TDRP: variants seen among roughly 807,000 people sequenced by gnomAD.
TDRP encodes testis development related protein.
Under a neutral mutation model 10.5 loss-of-function variants are expected in TDRP, and 12 were observed. The observed-to-expected ratio is 1.15, with a 90% CI of 0.73 to 1.86. TDRP has a LOEUF of 1.86. Ranked by LOEUF, TDRP falls within the 40% of genes most tolerant of loss-of-function variation. TDRP has a pLI of 0.00. For synonymous variants in TDRP, 139 were observed against 95.4 expected (o/e 1.46, Z -2.67); for missense variants, 353 against 229.2 (o/e 1.54, Z -3.49).
intron 1 of TDRP, among the ~76,000 whole-genome samples, chr8:519,731 G>T (rs1230535566): frequency 3.3e-5 from 5 of 152,186 alleles, no homozygotes; most frequent in African/African-American, 1.2e-4. Flanking sequence ...TCTTCAATTT[G>T]TGGAGGGAAC....
chr8:512,775 G>A (rs115247379), intron 1 of TDRP, among the ~76,000 whole-genome samples: 1 of 152,046 alleles, frequency 6.6e-6, no homozygotes, highest in Admixed American at 6.5e-5. Flanking sequence ...ATGAATTTGA[G>A]AACAGCCTGG....
intron 1 of TDRP, among the ~76,000 whole-genome samples, chr8:496,783 G>T (rs1354062710): frequency 6.6e-6 from 1 of 152,194 alleles, no homozygotes; most frequent in Admixed American, 6.5e-5. Context: ...GGAGGGACCT[G>T]GTGGGAGATG....
chr8:514,631 C>G (rs1335086812), intron 1 of TDRP, among the ~76,000 whole-genome samples: 2 of 152,204 alleles, frequency 1.3e-5, no homozygotes, highest in Non-Finnish European at 2.9e-5. Context: ...CACCCTGTGA[C>G]TGCCGGATCC....
chr8:502,042 A>T (rs539009654), intron 1 of TDRP, among the ~76,000 whole-genome samples: 2 of 152,342 alleles, frequency 1.3e-5, no homozygotes, highest in African/African-American at 4.8e-5. Context: ...CACAGGCCCC[A>T]GGCCTCTTCT....
intron 1 of TDRP, among the ~76,000 whole-genome samples, chr8:534,925 T>A (rs948573298): frequency 6.6e-6 from 1 of 152,138 alleles, no homozygotes; most frequent in South Asian, 2.1e-4. Flanking sequence ...TTATCCAGGA[T>A]TCTATCCTCC....
chr8:493,437 C>T (rs557326401), intron 2 of TDRP, among the ~76,000 whole-genome samples: 1 of 152,358 alleles, frequency 6.6e-6, no homozygotes, highest in East Asian at 1.9e-4. Flanking sequence ...GTCACAGCTC[C>T]GCCAGAGCAC....
chr8:529,211 T>C (rs1802117785), intron 1 of TDRP, among the ~76,000 whole-genome samples: 1 of 152,180 alleles, frequency 6.6e-6, no homozygotes, highest in African/African-American at 2.4e-5. Flanking sequence ...ATCAATACTT[T>C]GCATCCTTCA....
intron 1 of TDRP, among the ~76,000 whole-genome samples, chr8:511,674 G>C (rs1377219845): frequency 6.6e-6 from 1 of 152,158 alleles, no homozygotes; most frequent in East Asian, 1.9e-4. Flanking sequence ...TCAGTCTTCA[G>C]GACAGATCAT....
intron 1 of TDRP, among the ~76,000 whole-genome samples, chr8:506,020 G>A: frequency 6.6e-6 from 1 of 152,140 alleles, no homozygotes; most frequent in South Asian, 2.1e-4. Context: ...CTAATGGCTG[G>A]GGGTCTGGGT....
chr8:524,466 G>A (rs1801985631), intron 1 of TDRP, among the ~76,000 whole-genome samples: 1 of 151,980 alleles, frequency 6.6e-6, no homozygotes, highest in Non-Finnish European at 1.5e-5. Flanking sequence ...CTCAGAAACA[G>A]AGATATGTGA....
chr8:511,140 C>A (rs1165050492), intron 1 of TDRP, among the ~76,000 whole-genome samples: 3 of 152,066 alleles, frequency 2.0e-5, no homozygotes, highest in African/African-American at 7.2e-5. Context: ...CCTACTAATT[C>A]AATATTAAAT....
intron 1 of TDRP, among the ~76,000 whole-genome samples, chr8:498,084 A>C (rs1205469931): frequency 6.6e-6 from 1 of 152,190 alleles, no homozygotes; most frequent in African/African-American, 2.4e-5. Flanking sequence ...GGCAGCATGC[A>C]AGGGAAATGT....
chr8:498,483 G>T (rs576169148), intron 1 of TDRP, among the ~76,000 whole-genome samples: 2 of 152,156 alleles, frequency 1.3e-5, no homozygotes, highest in African/African-American at 4.8e-5. Flanking sequence ...CACCTCCATT[G>T]TGTCTTTAAA....
At chr8:513,508 C>G (rs375251107) in intron 1 of TDRP, among the ~76,000 whole-genome samples, 4 of 152,246 alleles carry the variant, frequency 2.6e-5, no homozygotes, top group African/African-American at 9.6e-5. Flanking sequence ...TTTCCTCAAC[C>G]TAGTAATGGG....
chr8:545,595 C>G (rs1053136693), upstream of TDRP: 1 of 152,162 alleles, frequency 6.6e-6, no homozygotes, highest in African/African-American at 2.4e-5. Context: ...GGGCACAGTC[C>G]GCGGAGCGGC....
chr8:502,478 G>A (rs1185584550), intron 1 of TDRP, among the ~76,000 whole-genome samples: 1 of 152,224 alleles, frequency 6.6e-6, no homozygotes, highest in Non-Finnish European at 1.5e-5. Context: ...AGGGGCTGCT[G>A]ATCTGACCCC....
chr8:526,066 G>C (rs533234184), intron 1 of TDRP, among the ~76,000 whole-genome samples: 1 of 152,226 alleles, frequency 6.6e-6, no homozygotes, highest in African/African-American at 2.4e-5. Context: ...CAATTTATTG[G>C]CATATAGTTG....
chr8:525,111 T>G (rs372166569), intron 1 of TDRP, among the ~76,000 whole-genome samples: 1 of 152,212 alleles, frequency 6.6e-6, no homozygotes, highest in African/African-American at 2.4e-5. Flanking sequence ...CCGATAGGTC[T>G]GGCAGCAGGC....
chr8:506,270 T>G (rs1235921086), intron 1 of TDRP, among the ~76,000 whole-genome samples: 1 of 152,142 alleles, frequency 6.6e-6, no homozygotes, highest in Non-Finnish European at 1.5e-5. Flanking sequence ...AAACATTTGG[T>G]ACAAAAGATG....
Sources: allele counts gnomAD v4.1 joint callset (sites outside exome capture counted in the v4.1 genomes callset), GRCh38; gene constraint gnomAD v4.1.1; transcripts MANE v1.5; gene names NCBI Gene and HGNC (gene_info 2026-07-23, HGNC 2026-07-21).